Variants in CD8B2 observed in about 807,000 individuals in gnomAD.
CD8B2 encodes the protein T-cell surface glycoprotein CD8 beta-2 chain.
A neutral mutation model predicts 23.7 loss-of-function variants in CD8B2; 11 were observed. That is an observed-to-expected ratio of 0.46 (90% CI 0.29 to 0.77). CD8B2 has a LOEUF of 0.77. Among genes scored for constraint, CD8B2 ranks in the 30% least tolerant of loss-of-function variants. The pLI is 0.09. For synonymous variants in CD8B2, 90 were observed against 109.3 expected (o/e 0.82, Z 1.10); for missense variants, 197 against 270.5 (o/e 0.73, Z 1.91).
intron 5 of CD8B2, among the ~76,000 whole-genome samples, chr2:106,540,148 A>G (rs182251008): frequency 6.6e-6 from 1 of 152,308 alleles, no homozygotes; most frequent in East Asian, 1.9e-4. Context: ...TCAATGATCA[A>G]AGAAAGAATC....
intron 5 of CD8B2, among the ~76,000 whole-genome samples, chr2:106,536,441 C>G (rs1225633971): frequency 6.6e-6 from 1 of 152,158 alleles, no homozygotes; most frequent in Admixed American, 6.5e-5. Flanking sequence ...GCCCTGCCTC[C>G]AACTTTGGGG....
intron 5 of CD8B2, 133 bp from the exon 6 acceptor site, chr2:106,506,795 T>G: frequency 1.6e-6 from 2 of 1,227,468 alleles, no homozygotes; most frequent in South Asian, 3.2e-5. Context: ...AGAAACATAC[T>G]AACAAAAAAC....
chr2:106,532,489 T>C (rs568192759), intron 5 of CD8B2, among the ~76,000 whole-genome samples: 146 of 152,322 alleles, frequency 9.6e-4, no homozygotes, highest in African/African-American at 3.4e-3. Flanking sequence ...AAAGCAAGCT[T>C]ATTAAGAAAG....
At chr2:106,534,553 G>T (rs972506401) in intron 5 of CD8B2, among the ~76,000 whole-genome samples, 3 of 152,182 alleles carry the variant, frequency 2.0e-5, no homozygotes, top group Non-Finnish European at 4.4e-5. Flanking sequence ...AGAGGGACTT[G>T]ATCTGATTGC....
chr2:106,510,166 A>G lies in CD8B2; in HGVS notation c.*3226A>G, dbSNP rs1339341910. On this transcript the variant is annotated 3_prime_UTR_variant, in exon 6 of 6. Transcript: ENST00000643224. ...ACAGAAGAAAACAAGCAAAACAAAT[A>G]TATGTTGTTAGAAGTTAGGATACAG... The G allele has an allele frequency of 6.6e-6, 1 of 152,212 alleles. No homozygotes were observed. 9.4% of individuals were successfully genotyped at this position (152,212 alleles called of 1,614,324 possible). A position where few individuals can be genotyped will look rare whatever the true frequency, so the allele number is the denominator to read the frequency against.
chr2:106,538,901 TC>T (rs1162976884), intron 5 of CD8B2, among the ~76,000 whole-genome samples: 1 of 151,516 alleles, frequency 6.6e-6, no homozygotes, highest in African/African-American at 2.4e-5. Flanking sequence ...ATGCAGTGTG[TC>T]CCCCTCCCAG....
rs1325337262 is a variant in CD8B2, at chr2:106,507,611, GT to G, written c.*675del. ...TTAATGCTTCTTTCATTTTCTGTTT[GT>G]TTTATACAAATGTCTTAGTTGTACA... On this transcript the variant is annotated 3_prime_UTR_variant, in exon 6 of 6. Transcript: ENST00000643224. 1 of 962,328 alleles carries G rather than the reference GT, an allele frequency of 1.0e-6. No individual in the cohort carries two copies. The highest frequency in any genetic ancestry group is 1.1e-4 in the East Asian group (1 of 8,722). 59.6% of individuals were successfully genotyped at this position (962,328 alleles called of 1,614,324 possible).
intron 5 of CD8B2, 122 bp downstream of exon 5, chr2:106,504,447 C>T (rs1012732675): frequency 4.4e-5 from 68 of 1,529,334 alleles, no homozygotes; most frequent in Non-Finnish European, 5.6e-5. Flanking sequence ...CTCGGCCGGG[C>T]GTGGTAGTGC....
chr2:106,499,216 A>G (rs902314084), intron 3 of CD8B2, among the ~76,000 whole-genome samples: 1 of 152,036 alleles, frequency 6.6e-6, no homozygotes, highest in African/African-American at 2.4e-5. Context: ...TGCGACCTGC[A>G]CCCACCTCCA....
chr2:106,523,436 C>A (rs1679858881), intron 5 of CD8B2, among the ~76,000 whole-genome samples: 1 of 152,164 alleles, frequency 6.6e-6, no homozygotes, highest in South Asian at 2.1e-4. Flanking sequence ...GACTCAAAGG[C>A]AGGCAGAGGA....
chr2:106,492,782 A>C (rs1213414509), intron 2 of CD8B2, among the ~76,000 whole-genome samples: 2 of 152,116 alleles, frequency 1.3e-5, no homozygotes, highest in Admixed American at 1.3e-4. Context: ...ACACAAACCA[A>C]AGTGATGCCC....
chr2:106,540,847 G>A (rs1262155723), intron 5 of CD8B2, among the ~76,000 whole-genome samples: 1 of 152,226 alleles, frequency 6.6e-6, no homozygotes, highest in Non-Finnish European at 1.5e-5. Flanking sequence ...ACAGGCGCAA[G>A]CCACTGTGCC....
At chr2:106,536,951 C>T (rs891877686) in intron 5 of CD8B2, among the ~76,000 whole-genome samples, 2 of 152,190 alleles carry the variant, frequency 1.3e-5, no homozygotes, top group Admixed American at 6.5e-5. Flanking sequence ...TAACTGGCGA[C>T]CTGCAGCTAT....
At chr2:106,533,990 A>G (rs1476836432) in intron 5 of CD8B2, among the ~76,000 whole-genome samples, 2 of 152,234 alleles carry the variant, frequency 1.3e-5, no homozygotes, top group Non-Finnish European at 2.9e-5. Context: ...AGCACTTACT[A>G]TGTGGCAAGC....
intron 3 of CD8B2, among the ~76,000 whole-genome samples, chr2:106,499,979 C>T (rs964181755): frequency 7.7e-6 from 1 of 129,652 alleles, no homozygotes; most frequent in African/African-American, 3.0e-5. Flanking sequence ...CACACCCCAG[C>T]CATCCAGCCT....
chr2:106,525,030 G>A (rs1311409758), intron 5 of CD8B2, among the ~76,000 whole-genome samples: 1 of 152,166 alleles, frequency 6.6e-6, no homozygotes, highest in Non-Finnish European at 1.5e-5. Flanking sequence ...ACATACATGG[G>A]TCATGCACAG....
At chr2:106,518,010 A>C (rs1047134883) in intron 5 of CD8B2, among the ~76,000 whole-genome samples, 1 of 152,182 alleles carries the variant, frequency 6.6e-6, no homozygotes, top group South Asian at 2.1e-4. Flanking sequence ...CACCGCGCCC[A>C]GCCTGTTTAT....
At chr2:106,522,876 G>T (rs372106137) in intron 5 of CD8B2, among the ~76,000 whole-genome samples, 1 of 152,124 alleles carries the variant, frequency 6.6e-6, no homozygotes, top group African/African-American at 2.4e-5. Context: ...CAATCATTCC[G>T]TCAGGGGCTC....
At chr2:106,534,845 G>A (rs1680062175) in intron 5 of CD8B2, among the ~76,000 whole-genome samples, 1 of 148,396 alleles carries the variant, frequency 6.7e-6, no homozygotes, top group South Asian at 2.2e-4. Context: ...TTGAAACAGA[G>A]TCTTGCTTTT....
Sources: allele counts gnomAD v4.1 joint callset (sites outside exome capture counted in the v4.1 genomes callset), GRCh38; gene constraint gnomAD v4.1.1; transcripts MANE v1.5; gene names NCBI Gene and HGNC (gene_info 2026-07-23, HGNC 2026-07-21).